Variants in NAP1L4 observed in about 807,000 individuals in gnomAD.
The protein encoded by NAP1L4 is nucleosome assembly protein 1 like 4.
NAP1L4 carries 15 observed loss-of-function variants against 58.2 expected under a neutral mutation model. That is an observed-to-expected ratio of 0.26 (90% CI 0.17 to 0.40). NAP1L4 has a LOEUF of 0.40. NAP1L4 is among the 10% of genes least tolerant of loss of function. The pLI, the probability that NAP1L4 is intolerant of heterozygous loss-of-function variation, is 1.00. For synonymous variants in NAP1L4, 171 were observed against 155.6 expected (o/e 1.10, Z -0.74); for missense variants, 384 against 451.1 (o/e 0.85, Z 1.35).
rs1845839030 is a variant in NAP1L4, at chr11:2,944,550, T to C, written c.*1129A>G. ...GGCCGAGCACTCTCCACAGGCCTGG[T>C]CAGTGCGGACACGGCCATCCCCGGC... On this transcript the variant is annotated 3_prime_UTR_variant, in exon 16 of 16. Transcript: ENST00000380542. 3 of 152,274 alleles carry C rather than the reference T, an allele frequency of 2.0e-5. No individual in the cohort carries two copies. Among genetic ancestry groups the C allele is most frequent in the African/African-American group, 7.2e-5 (3 of 41,472 alleles). The allele number at this position is 152,274 out of a possible 1,614,324, so 9.4% of individuals were successfully genotyped here. A position where few individuals can be genotyped will look rare whatever the true frequency, so the allele number is the denominator to read the frequency against.
intron 1 of NAP1L4, among the ~76,000 whole-genome samples, chr11:2,982,099 T>C (rs1011790615): frequency 6.6e-5 from 10 of 152,196 alleles, no homozygotes; most frequent in African/African-American, 2.4e-4. Flanking sequence ...GAGGTGTTTT[T>C]TTCTGTTATA....
chr11:2,959,661 A>G lies in NAP1L4; in HGVS notation c.746+109T>C. On this transcript the variant is annotated intron_variant, in intron 9 of 15. Coordinates refer to ENST00000380542, the MANE Select transcript of NAP1L4 (RefSeq NM_005969.4). This position sits in a 1 kb window ranked among gnomAD's most constrained non-coding sequence, Gnocchi z 4.9. The stretch of plus-strand genomic sequence containing the variant: ...CATCTACCAGGCTTTTAGGCTTTTA[A>G]GCAGACTCAAGACTGTACTTTATTC... 7.6e-7 allele frequency: 1 copy of G among 1,314,020 alleles called. No homozygotes were observed. Among genetic ancestry groups the G allele is most frequent in the Non-Finnish European group, 1.0e-6 (1 of 956,896 alleles). 81.4% of individuals were successfully genotyped at this position (1,314,020 alleles called of 1,614,324 possible). A position where few individuals can be genotyped will look rare whatever the true frequency, so the allele number is the denominator to read the frequency against.
chr11:2,958,279 C>T, intron 10 of NAP1L4, 120 bp downstream of exon 10: 1 of 1,022,680 alleles, frequency 9.8e-7, no homozygotes, highest in Non-Finnish European at 1.5e-6. Flanking sequence ...GCAATGTGCC[C>T]CTACTGACCA....
At position 2,973,483 on chromosome 11, in the gene NAP1L4, C is replaced by T. The variant is rs975425856; in HGVS notation, c.174-1240G>A. 1.1e-4 allele frequency among the ~76,000 whole-genome samples: 16 copies of T among 152,164 alleles called. No homozygotes were observed. The East Asian group carries it at 3.1e-3, about 29-fold the overall frequency. On this transcript the variant is annotated intron_variant, in intron 4 of 15. Transcript: ENST00000380542. ...CTTCAAGTCTAAGCACTTGACTTAC[C>T]CTCCAACAACAGACAGCACAGAGCA...
Position 2,971,529 on chromosome 11 carries a change from T to C in NAP1L4, c.321A>G (p.Arg107=). The change falls in exon 6 of 16, where the codon AGA becomes AGG. Residue 107 remains arginine, a synonymous_variant. Transcript: ENST00000380542. This position sits in a 1 kb window ranked among gnomAD's most constrained non-coding sequence, Gnocchi z 4.2. ...GTTCAACATCGCCGGTGATAAATTCTCTTCTCTACATAAAAATGAGACCTT... is the reference window on the plus strand; with the variant it reads ...GTTCAACATCGCCGGTGATAAATTCCCTTCTCTACATAAAAATGAGACCTT... The part of the protein sequence containing the change: ...ALYQPLFDKR[R]EFITGDVEPT... The C allele has an allele frequency of 1.2e-6, 2 of 1,613,286 alleles. No individual in the cohort carries two copies. The highest frequency in any genetic ancestry group is 1.7e-6 in the Non-Finnish European group (2 of 1,179,838).
In NAP1L4 at chr11:2,972,311, T is replaced by C. The variant is rs759589027; in HGVS notation, c.174-68A>G. 9.9e-6 allele frequency: 14 copies of C among 1,411,006 alleles called. No individual in the cohort carries two copies. In the African/African-American group the frequency reaches 2.1e-4, roughly 21 times the overall value. 87.4% of individuals were successfully genotyped at this position (1,411,006 alleles called of 1,614,324 possible). The stretch of plus-strand genomic sequence containing the variant: ...AATAAAGCAGCATGCTTTTCAATTT[T>C]ATTAAAATAAATTTAGGTTAACATG... On this transcript the variant is annotated intron_variant, in intron 4 of 15. Transcript: ENST00000380542.
intron 8 of NAP1L4, among the ~76,000 whole-genome samples, chr11:2,961,908 T>C (rs112048858): frequency 1.9e-3 from 290 of 152,310 alleles, no homozygotes; most frequent in Non-Finnish European, 3.2e-3. Context: ...CAGTCAAGAG[T>C]AACCCAAAGA....
rs1846057670 is a variant in NAP1L4, at chr11:2,948,544, G to A, written c.*32+683C>T. 6.6e-6 allele frequency among the ~76,000 whole-genome samples: 1 copy of A among 152,172 alleles called. No homozygotes were observed. ...CCTGTCAGCATTCCAGGACAGGGCA[G>A]AGCTACAGGGACTGAAGAAAGTGGA... On this transcript the variant is annotated intron_variant, in intron 15 of 15. Transcript: ENST00000380542. This position sits in a 1 kb window ranked among gnomAD's most constrained non-coding sequence, Gnocchi z 5.1.
intron 10 of NAP1L4, among the ~76,000 whole-genome samples, chr11:2,957,120 T>G (rs1208148730): frequency 6.6e-6 from 1 of 152,012 alleles, no homozygotes; most frequent in Non-Finnish European, 1.5e-5. Context: ...CATTATCAAC[T>G]CCATTTTTAT....
intron 1 of NAP1L4, among the ~76,000 whole-genome samples, chr11:2,988,925 G>C (rs1848802588): frequency 6.6e-6 from 1 of 152,170 alleles, no homozygotes; most frequent in African/African-American, 2.4e-5. Flanking sequence ...AAGCAACCCT[G>C]TTCTCTCTTA....
At chr11:2,985,453 C>T (rs1848562961) in intron 1 of NAP1L4, among the ~76,000 whole-genome samples, 1 of 152,120 alleles carries the variant, frequency 6.6e-6, no homozygotes, top group South Asian at 2.1e-4. Context: ...AAACCACAGC[C>T]CGAAGACTCA....
chr11:2,958,718 A>C, intron 9 of NAP1L4, 174 bp from the exon 10 acceptor site: 1 of 626,390 alleles, frequency 1.6e-6, no homozygotes, highest in Non-Finnish European at 2.7e-6. Context: ...AAAAAGAGAA[A>C]CAGCCTGGTC....
At chr11:2,984,423 T>C (rs890322174) in intron 1 of NAP1L4, among the ~76,000 whole-genome samples, 15 of 151,798 alleles carry the variant, frequency 9.9e-5, no homozygotes, top group African/African-American at 3.1e-4. Context: ...AATACAAAAT[T>C]AGCCGGGCAT....
intron 1 of NAP1L4, among the ~76,000 whole-genome samples, chr11:2,984,057 G>A (rs1330545071): frequency 1.3e-5 from 2 of 151,250 alleles, no homozygotes; most frequent in South Asian, 2.1e-4. Flanking sequence ...TACTTGAGTG[G>A]CTGAGACAGA....
At position 2,959,614 on chromosome 11, in the gene NAP1L4, A is replaced by T. The variant is rs372305614; in HGVS notation, c.746+156T>A. Among the ~76,000 whole-genome samples the T allele has an allele frequency of 1.1e-3, 162 of 152,296 alleles. No individual in the cohort carries two copies. Among genetic ancestry groups the T allele is most frequent in the African/African-American group, 3.6e-3 (151 of 41,564 alleles). On this transcript the variant is annotated intron_variant, in intron 9 of 15. Transcript: ENST00000380542. This position sits in a 1 kb window ranked among gnomAD's most constrained non-coding sequence, Gnocchi z 4.9. ...AGTTCTGCACTATGAGCATTCCCAA[A>T]CTGAAAGACTATTGAAATATACATC...
Position 2,944,467 on chromosome 11 carries a change from T to TA in NAP1L4, c.*1211dup, listed in dbSNP as rs1845835443. 1 of 152,314 alleles carries TA rather than the reference T, an allele frequency of 6.6e-6. No homozygotes were observed. Among genetic ancestry groups the TA allele is most frequent in the Non-Finnish European group, 1.5e-5 (1 of 68,080 alleles). The allele number at this position is 152,314 out of a possible 1,614,324, so 9.4% of individuals were successfully genotyped here. A position where few individuals can be genotyped will look rare whatever the true frequency, so the allele number is the denominator to read the frequency against. On this transcript the variant is annotated 3_prime_UTR_variant, in exon 16 of 16. Coordinates refer to ENST00000380542, the MANE Select transcript of NAP1L4 (RefSeq NM_005969.4). Reference sequence around the variant, plus strand: ...GTTTCACCACTTTAATAGAATATTCTAACTATTCTGTACAAATTGAAAACA... The same window carrying TA: ...GTTTCACCACTTTAATAGAATATTCTAAACTATTCTGTACAAATTGAAAACA...
Position 2,951,222 on chromosome 11 carries a change from A to G in NAP1L4, c.1122+37T>C, listed in dbSNP as rs776102405. On this transcript the variant is annotated intron_variant, in intron 14 of 15. Transcript: ENST00000380542. The surrounding 1 kb of genome is among the most constrained non-coding windows in gnomAD (Gnocchi z 4.0). Reference sequence around the variant, plus strand: ...ATTTTTAAAAGTCTAAGAGTGCAGCATAATAAGTAGGTCTGGGTGGCCCCA... The same window carrying G: ...ATTTTTAAAAGTCTAAGAGTGCAGCGTAATAAGTAGGTCTGGGTGGCCCCA... The G allele has an allele frequency of 6.4e-7, 1 of 1,562,016 alleles. No homozygotes were observed. Among genetic ancestry groups the G allele is most frequent in the South Asian group, 1.1e-5 (1 of 89,670 alleles).
At chr11:2,945,719 G>T (rs1025444949) in intron 15 of NAP1L4, 73 bp from the exon 16 acceptor site, 15 of 1,269,334 alleles carry the variant, frequency 1.2e-5, no homozygotes, top group Non-Finnish European at 1.4e-5. Flanking sequence ...AATCAACAAT[G>T]AAAGCCAAGA....
intron 7 of NAP1L4, among the ~76,000 whole-genome samples, chr11:2,968,252 ACT>A (rs1847406105): frequency 6.6e-6 from 1 of 151,986 alleles, no homozygotes; most frequent in African/African-American, 2.4e-5. Context: ...CCAACTCAAA[ACT>A]CTCAGTGCCA....
Sources: allele counts gnomAD v4.1 joint callset (sites outside exome capture counted in the v4.1 genomes callset), GRCh38; gene constraint gnomAD v4.1.1; non-coding constraint Gnocchi (gnomAD v3.1); transcripts MANE v1.5; gene names NCBI Gene and HGNC (gene_info 2026-07-23, HGNC 2026-07-21).